Variants in COL4A5 observed in about 807,000 individuals in gnomAD.
The protein encoded by COL4A5 is collagen alpha-5(IV) chain.
Under a neutral mutation model 130.2 loss-of-function variants are expected in COL4A5, and 26 were observed. The ratio of observed to expected loss-of-function variants is 0.20; its 90% CI spans 0.15 to 0.28. The LOEUF (loss-of-function observed/expected upper bound fraction) is 0.28. COL4A5 is among the 10% of genes least tolerant of loss of function. The pLI is 1.00. For synonymous variants in COL4A5, 496 were observed against 439.6 expected, an observed-to-expected ratio of 1.13 and a Z score of -1.60; for missense variants, 1,131 against 1,344.3, an observed-to-expected ratio of 0.84 and a Z score of 2.48.
rs587776403 is a variant in COL4A5, at chrX:108,686,130, G to A, written c.4315+1G>A. On this transcript the variant is annotated splice_donor_variant, in intron 48 of 52. Transcript: ENST00000328300. LOFTEE classifies it high-confidence loss of function. ...GACCCAGGTCTGCCAGGACAGCCAG[G>A]TAAGACAAGTAAAACATGCTGTTGG... is the stretch of plus-strand genomic sequence containing the variant. 1.7e-6 allele frequency: 2 copies of A among 1,196,899 alleles called. No individual in the cohort carries two copies. The highest frequency in any genetic ancestry group is 3.5e-5 in the African/African-American group (2 of 56,765).
At chrX:108,580,459 C>A in intron 13 of COL4A5, 74 bp from the exon 14 acceptor site, 6 of 874,345 alleles carry the variant, frequency 6.9e-6, no homozygotes, top group Non-Finnish European at 1.0e-5. Context: ...ATGCTCCTAG[C>A]TAGCTCTAGT....
rs2147873224 is a variant in COL4A5 at position 108,626,269 on chromosome X, C to T, written c.3166C>T (p.Pro1056Ser). ...TGGAGTTCCTGGACAACCTGGCTCCCCAGGATTACCTGGACAGAAAGGCGA... is the reference window on the plus strand; with the variant it reads ...TGGAGTTCCTGGACAACCTGGCTCCTCAGGATTACCTGGACAGAAAGGCGA... ...PSGVPGQPGS[P>S]GLPGQKGDKG... Residue 1056 changes from proline to serine, a missense_variant, in exon 36 of 53, where the codon CCA (proline) becomes TCA (serine). Pro to Ser is a moderately conservative substitution (Grantham distance 74). Coordinates refer to ENST00000328300, the MANE Select transcript of COL4A5 (RefSeq NM_033380.3). 8.3e-7 allele frequency: 1 copy of T among 1,210,635 alleles called. No homozygotes were observed. The highest frequency in any genetic ancestry group is 3.0e-5 in the East Asian group (1 of 33,789).
At chrX:108,591,442 C>T (rs759835554) in intron 20 of COL4A5, 119 bp from the exon 21 acceptor site, 52 of 673,741 alleles carry the variant, frequency 7.7e-5, no homozygotes, top group South Asian at 5.1e-4. Context: ...TTTCCTTTTG[C>T]TTATAGGTAC....
chrX:108,685,497 A>T (rs938260847), intron 47 of COL4A5, among the ~76,000 whole-genome samples: 6 of 112,406 alleles, frequency 5.3e-5, no homozygotes, highest in African/African-American at 1.9e-4. Flanking sequence ...TGCATTTAAG[A>T]TCTGGTGCTT....
At chrX:108,484,133 A>G (rs1398940790) in intron 1 of COL4A5, among the ~76,000 whole-genome samples, 1 of 111,586 alleles carries the variant, frequency 9.0e-6, no homozygotes, top group Non-Finnish European at 1.9e-5. Context: ...CAATATGTCA[A>G]TTGCATTTTC....
At chrX:108,604,112 C>T (rs1257326871) in intron 28 of COL4A5, among the ~76,000 whole-genome samples, 1 of 112,143 alleles carries the variant, frequency 8.9e-6, no homozygotes. Context: ...CTTCCAAACT[C>T]CTGTTAATAT....
At chrX:108,595,128 G>A (rs973020235) in intron 21 of COL4A5, among the ~76,000 whole-genome samples, 4 of 111,891 alleles carry the variant, frequency 3.6e-5, no homozygotes, top group African/African-American at 1.3e-4. Flanking sequence ...CTCCCAAAGT[G>A]CTGGGATTAC....
chrX:108,634,393 G>A (rs915162431), intron 36 of COL4A5, among the ~76,000 whole-genome samples: 1 of 111,124 alleles, frequency 9.0e-6, no homozygotes, highest in East Asian at 2.8e-4. Flanking sequence ...GAGGAAAGGA[G>A]CACTGATGAA....
chrX:108,464,694 C>T (rs908690468), intron 1 of COL4A5, among the ~76,000 whole-genome samples: 1 of 112,005 alleles, frequency 8.9e-6, no homozygotes, highest in Non-Finnish European at 1.9e-5. Context: ...TAAATAAATA[C>T]TTTGGATATT....
At chrX:108,604,450 T>C (rs1267234098) in intron 28 of COL4A5, among the ~76,000 whole-genome samples, 2 of 111,585 alleles carry the variant, frequency 1.8e-5, no homozygotes, top group African/African-American at 6.5e-5. Flanking sequence ...TTCTGAGGAG[T>C]AGGTCTCAAC....
intron 1 of COL4A5, among the ~76,000 whole-genome samples, chrX:108,531,434 A>G (rs2065384930): frequency 9.1e-6 from 1 of 110,212 alleles, no homozygotes; most frequent in Middle Eastern, 4.7e-3. Context: ...TGTAAACACA[A>G]CATACATATT....
At chrX:108,525,223 C>T (rs895749244) in intron 1 of COL4A5, among the ~76,000 whole-genome samples, 1 of 111,691 alleles carries the variant, frequency 9.0e-6, no homozygotes, top group Admixed American at 9.5e-5. Context: ...GTAGAATTGA[C>T]CCTTTTATCA....
intron 27 of COL4A5, 27 bp from the exon 28 acceptor site, chrX:108,602,937 G>A (rs757936318): frequency 4.8e-6 from 5 of 1,050,002 alleles, no homozygotes; most frequent in African/African-American, 1.9e-5. Context: ...TCCTTTGGTG[G>A]TTAAAAAATG....
intron 1 of COL4A5, 162 bp downstream of exon 1, chrX:108,440,368 A>G: frequency 2.2e-6 from 1 of 461,038 alleles, no homozygotes; most frequent in Non-Finnish European, 3.8e-6. Context: ...AACACCGGTA[A>G]CTCAAGCCTT....
At chrX:108,494,207 TAA>T in intron 1 of COL4A5, among the ~76,000 whole-genome samples, 1 of 111,761 alleles carries the variant, frequency 8.9e-6, no homozygotes, top group Non-Finnish European at 1.9e-5. Context: ...TGAGACTGAA[TAA>T]AAGATGCTTC....
At chrX:108,584,818 G>A (rs1378750422) in intron 18 of COL4A5, among the ~76,000 whole-genome samples, 1 of 102,197 alleles carries the variant, frequency 9.8e-6, no homozygotes, top group Non-Finnish European at 2.0e-5. Context: ...AGCAGGTGGT[G>A]CAAGTGTTGC....
intron 1 of COL4A5, among the ~76,000 whole-genome samples, chrX:108,489,539 C>T (rs765723685): frequency 8.9e-6 from 1 of 111,910 alleles, no homozygotes; most frequent in African/African-American, 3.2e-5. Context: ...CGTTTTTCCA[C>T]GTATTGTTTG....
At chrX:108,567,222 A>G (rs1326080989) in intron 4 of COL4A5, among the ~76,000 whole-genome samples, 12 of 112,230 alleles carry the variant, frequency 1.1e-4, no homozygotes, top group Non-Finnish European at 1.9e-5. Context: ...GAGTTAAGAT[A>G]CCATGTTTGA....
intron 1 of COL4A5, among the ~76,000 whole-genome samples, chrX:108,468,495 G>A (rs60698563): frequency 0.11 from 11,175 of 106,415 alleles, 1,272 homozygotes; most frequent in African/African-American, 0.34. Context: ...TGGGTTTTTC[G>A]TAAGTGTTTT....
Sources: gnomAD v4.1 joint callset for allele counts (sites outside exome capture counted in the v4.1 genomes callset) on GRCh38, gnomAD v4.1.1 for gene constraint, MANE v1.5 for transcripts, NCBI Gene and HGNC (gene_info 2026-07-23, HGNC 2026-07-21) for gene names.